Variants in TLE7 observed in about 807,000 individuals in gnomAD.
TLE7 encodes transducin-like enhancer protein 7.
In TLE7 at chr16:71,440,809, G is replaced by A. The variant is rs79773915; in HGVS notation, c.-97+1160C>T. Among the ~76,000 whole-genome samples, 11 of 152,204 alleles carry A rather than the reference G, an allele frequency of 7.2e-5. No homozygotes were observed. In the East Asian group the frequency reaches 1.7e-3, roughly 24 times the overall value. On this transcript the variant is annotated intron_variant, in intron 1 of 9. Coordinates refer to ENST00000561754, the MANE Select transcript of TLE7 (RefSeq NM_001367365.2). ...GCAGAACTGCGACTGTGAGCCTCCA[G>A]ATCTTTATTTGAGGGCTGACGCGCC...
intron 1 of TLE7, 41 bp downstream of exon 1, chr16:71,441,928 C>G (rs1014627084): frequency 2.0e-5 from 3 of 152,284 alleles, no homozygotes; most frequent in African/African-American, 7.2e-5. Flanking sequence ...GGGGTGGGGA[C>G]CAGCAGACGC....
At chr16:71,436,876 C>T (rs1283437836) in intron 1 of TLE7, among the ~76,000 whole-genome samples, 1 of 152,206 alleles carries the variant, frequency 6.6e-6, no homozygotes, top group African/African-American at 2.4e-5. Context: ...TTGGAGCACA[C>T]ATCAAATCCC....
At chr16:71,439,497 G>T (rs2042839163) in intron 1 of TLE7, among the ~76,000 whole-genome samples, 1 of 152,018 alleles carries the variant, frequency 6.6e-6, no homozygotes, top group Non-Finnish European at 1.5e-5. Flanking sequence ...GGGTGGTTCT[G>T]AGCTGGGGGA....
At position 71,434,136 on chromosome 16, in the gene TLE7, G is replaced by GA. The variant is rs781237310; in HGVS notation, c.-96-717_-96-716insT. On this transcript the variant is annotated intron_variant, in intron 1 of 9. Coordinates refer to ENST00000561754, the MANE Select transcript of TLE7 (RefSeq NM_001367365.2). ...ATATAAGGTGTCCTACTTGGACGGG[G>GA]CAAGGCTATCTAATGATGAAGTTGG... Among the ~76,000 whole-genome samples, 36 of 152,268 alleles carry GA rather than the reference G, an allele frequency of 2.4e-4. 1 individual carries two copies. In the South Asian group the frequency reaches 4.4e-3, roughly 18 times the overall value.
At position 71,431,442 on chromosome 16, in the gene TLE7, G is replaced by A. The variant is rs1254550367; in HGVS notation, c.972C>T (p.His324=). The change falls in exon 7 of 10, where the codon CAC becomes CAT. Residue 324 remains histidine (H), a synonymous_variant. Transcript: ENST00000561754. This position sits in a 1 kb window ranked among gnomAD's most constrained non-coding sequence, Gnocchi z 4.5. ...SWDLRSYQRL[H]QHNLQNEILS... ...GCACCTCATTCTGTAAGTTGTGTTG[G>A]TGCAGCCTCTGGTAGCTCCTCAGGT... The A allele has an allele frequency of 2.5e-6, 1 of 400,712 alleles. No homozygotes were observed. The highest frequency in any genetic ancestry group is 2.1e-5 in the African/African-American group (1 of 48,708). 24.8% of individuals were successfully genotyped at this position (400,712 alleles called of 1,614,324 possible).
Position 71,433,193 on chromosome 16 carries a change from G to T in TLE7, c.132C>A (p.Gly44=). 5.0e-6 allele frequency: 2 copies of T among 398,764 alleles called. No homozygotes were observed. Among genetic ancestry groups the T allele is most frequent in the Non-Finnish European group, 8.8e-6 (2 of 226,166 alleles). The allele number at this position is 398,764 out of a possible 1,614,324, so 24.7% of individuals were successfully genotyped here. ...QPEPQVQQQL[G]SLLGVPWQPP... is the part of the protein sequence containing the mutation. ...GCTGCCAGGGCACTCCCAACAGACTGCCCAGTTGCTGCTGCACTTGTGGCT... is the reference window on the plus strand; with the variant it reads ...GCTGCCAGGGCACTCCCAACAGACTTCCCAGTTGCTGCTGCACTTGTGGCT... The change falls in exon 2 of 10, where the codon GGC becomes GGA. Residue 44 remains glycine (G), a synonymous_variant. Coordinates refer to ENST00000561754, the MANE Select transcript of TLE7 (RefSeq NM_001367365.2).
rs1405562682 is a variant in TLE7 at position 71,442,049 on chromosome 16, G to A, written c.-177C>T. ...GCAGGGCAGTCGGGAAGGCTTCCTG[G>A]AGGCTGGGCTTGAGCCGAAGGTGGG... On this transcript the variant is annotated 5_prime_UTR_variant, in exon 1 of 10. Transcript: ENST00000561754. 1 of 152,498 alleles carries A rather than the reference G, an allele frequency of 6.6e-6. No individual in the cohort carries two copies. Among genetic ancestry groups the A allele is most frequent in the East Asian group, 1.9e-4 (1 of 5,186 alleles). 9.4% of individuals were successfully genotyped at this position (152,498 alleles called of 1,614,324 possible).
chr16:71,436,726 C>T (rs10438561), intron 1 of TLE7, among the ~76,000 whole-genome samples: 7,092 of 152,238 alleles, frequency 0.047, 549 homozygotes, highest in African/African-American at 0.16. Context: ...GGGAGGGACA[C>T]GGGGCCGCTT....
intron 1 of TLE7, among the ~76,000 whole-genome samples, chr16:71,434,579 T>C (rs1301619048): frequency 6.6e-6 from 1 of 152,216 alleles, no homozygotes. Context: ...CTTGGGAAGA[T>C]GCAGGGGAGA....
intron 1 of TLE7, among the ~76,000 whole-genome samples, chr16:71,436,364 T>A (rs1490183473): frequency 6.6e-6 from 1 of 152,188 alleles, no homozygotes; most frequent in Non-Finnish European, 1.5e-5. Context: ...TCAGGTATCC[T>A]GGCCCTGAAT....
In TLE7 at chr16:71,439,798, T is replaced by G. The variant is rs912522386; in HGVS notation, c.-97+2171A>C. Among the ~76,000 whole-genome samples the G allele has an allele frequency of 3.3e-5, 5 of 152,306 alleles. No individual in the cohort carries two copies. The East Asian group carries it at 9.6e-4, about 29-fold the overall frequency. On this transcript the variant is annotated intron_variant, in intron 1 of 9. Transcript: ENST00000561754. ...TAGGAATACCACGGAGCAGCCACTG[T>G]GAAAAACAGTTTGGCAACTCCTCAG...
chr16:71,441,042 G>A (rs1340998497), intron 1 of TLE7, among the ~76,000 whole-genome samples: 3 of 152,176 alleles, frequency 2.0e-5, no homozygotes, highest in Non-Finnish European at 2.9e-5. Context: ...CCTGCCATGG[G>A]AAGTTTGCAT....
At position 71,431,871 on chromosome 16, in the gene TLE7, C is replaced by G; in HGVS notation, c.741G>C (p.Ser247=). The G allele has an allele frequency of 7.5e-6, 3 of 400,684 alleles. No individual in the cohort carries two copies. The highest frequency in any genetic ancestry group is 1.3e-5 in the Non-Finnish European group (3 of 226,268). 24.8% of individuals were successfully genotyped at this position (400,684 alleles called of 1,614,324 possible). ...PTPQVRAQLT[S]TGPTCYSLAV... ...CCAGAGAATAGCACGTGGGGCCCGTCGAGGTCAGCTGTGCCCTGACCTGGG... is the reference window on the plus strand; with the variant it reads ...CCAGAGAATAGCACGTGGGGCCCGTGGAGGTCAGCTGTGCCCTGACCTGGG... The change falls in exon 6 of 10, where the codon TCG becomes TCC. Residue 247 remains serine (S), a synonymous_variant. Coordinates refer to ENST00000561754, the MANE Select transcript of TLE7 (RefSeq NM_001367365.2). This position sits in a 1 kb window ranked among gnomAD's most constrained non-coding sequence, Gnocchi z 4.5.
chr16:71,441,314 G>T (rs2145048615), intron 1 of TLE7, among the ~76,000 whole-genome samples: 1 of 152,342 alleles, frequency 6.6e-6, no homozygotes, highest in East Asian at 1.9e-4. Context: ...TGAACTGCTG[G>T]CCCCAAGCAA....
intron 1 of TLE7, among the ~76,000 whole-genome samples, chr16:71,434,604 T>C (rs2042819282): frequency 6.6e-6 from 1 of 152,218 alleles, no homozygotes; most frequent in African/African-American, 2.4e-5. Flanking sequence ...TACTTCTCTG[T>C]GTGTTTGGCC....
chr16:71,433,825 G>C (rs767161555), intron 1 of TLE7, among the ~76,000 whole-genome samples: 5 of 151,974 alleles, frequency 3.3e-5, no homozygotes, highest in Non-Finnish European at 7.4e-5. Context: ...GGGCATGATG[G>C]CACGTGCCTG....
chr16:71,434,407 T>C (rs2145044138), intron 1 of TLE7, among the ~76,000 whole-genome samples: 1 of 152,242 alleles, frequency 6.6e-6, no homozygotes, highest in South Asian at 2.1e-4. Context: ...CAGGGTTCTA[T>C]GAACAGAGCA....
rs146843300 is a variant in TLE7 at position 71,431,125 on chromosome 16, G to A, written c.1143C>T (p.Ser381=). Residue 381 remains serine (S), a synonymous_variant, in exon 8 of 10, where the codon TCC becomes TCT. Coordinates refer to ENST00000561754, the MANE Select transcript of TLE7 (RefSeq NM_001367365.2). This position sits in a 1 kb window ranked among gnomAD's most constrained non-coding sequence, Gnocchi z 4.5. The stretch of plus-strand genomic sequence containing the variant: ...GTCACCTGGCTTCTCACTCACCACA[G>A]GAGGCAAACTTGAGGCTGTGGTGGC... The part of the protein sequence containing the change: ...YTRHHSLKFA[S]CGSYFVTAID... The A allele has an allele frequency of 0.015, 5,881 of 400,796 alleles. 54 individuals carry two copies. The highest frequency in any genetic ancestry group is 0.019 in the Non-Finnish European group (4,292 of 226,250). 24.8% of individuals were successfully genotyped at this position (400,796 alleles called of 1,614,324 possible). A position where few individuals can be genotyped will look rare whatever the true frequency, so the allele number is the denominator to read the frequency against.
chr16:71,432,438 G>A (rs536555923), intron 4 of TLE7, 113 bp from the exon 5 acceptor site: 3 of 397,212 alleles, frequency 7.6e-6, no homozygotes, highest in Middle Eastern at 6.2e-4. Flanking sequence ...CCACCCAACC[G>A]CAGAACCTGG....
Sources: gnomAD v4.1 joint callset for allele counts (sites outside exome capture counted in the v4.1 genomes callset) on GRCh38, gnomAD v4.1.1 for gene constraint, Gnocchi (gnomAD v3.1) non-coding constraint, MANE v1.5 for transcripts, NCBI Gene and HGNC (gene_info 2026-07-23, HGNC 2026-07-21) for gene names.